AGBL4: variants seen among roughly 807,000 people sequenced by gnomAD.
AGBL4 encodes cytosolic carboxypeptidase 6.
In AGBL4, 58 loss-of-function variants were observed where a neutral mutation model predicts 66.4. The ratio of observed to expected loss-of-function variants is 0.87; its 90% confidence interval spans 0.71 to 1.09. AGBL4 has a LOEUF of 1.09. Ranked by LOEUF, AGBL4 falls within the 50% of genes least tolerant of loss-of-function variation. The pLI is 0.00. For missense variants in AGBL4, 579 were observed against 631.0 expected, an observed-to-expected ratio of 0.92 and a Z score of 0.88; for synonymous variants, 234 against 222.9, an observed-to-expected ratio of 1.05 and a Z score of -0.44.
intron 5 of AGBL4, among the ~76,000 whole-genome samples, chr1:48,886,967 G>A: frequency 6.6e-6 from 1 of 152,166 alleles, no homozygotes; most frequent in East Asian, 1.9e-4. Flanking sequence ...AGTGTGAGAA[G>A]CCAAAAGGGT....
At chr1:48,689,980 C>G (rs1646603178) in intron 6 of AGBL4, among the ~76,000 whole-genome samples, 1 of 152,222 alleles carries the variant, frequency 6.6e-6, no homozygotes, top group African/African-American at 2.4e-5. Context: ...AGCCAACCCT[C>G]CTTCCTGAGT....
chr1:49,120,370 T>G (rs1645627407), intron 4 of AGBL4, among the ~76,000 whole-genome samples: 1 of 152,158 alleles, frequency 6.6e-6, no homozygotes. Context: ...GGCAGGCCTG[T>G]TTGTGACAAA....
chr1:49,165,968 T>C (rs1351893920), intron 4 of AGBL4, among the ~76,000 whole-genome samples: 1 of 151,740 alleles, frequency 6.6e-6, no homozygotes, highest in Admixed American at 6.6e-5. Flanking sequence ...TAATGAAAAA[T>C]AAGGAAGAGG....
chr1:49,551,949 C>T (rs1363489009), intron 3 of AGBL4, among the ~76,000 whole-genome samples: 2 of 152,106 alleles, frequency 1.3e-5, no homozygotes, highest in Admixed American at 1.3e-4. Context: ...AGCTCAGACT[C>T]GCCTTAGGTG....
intron 2 of AGBL4, among the ~76,000 whole-genome samples, chr1:49,785,373 GTTAA>G (rs1366976399): frequency 1.3e-5 from 2 of 151,990 alleles, no homozygotes; most frequent in Admixed American, 6.6e-5. Flanking sequence ...TGATGGATAT[GTTAA>G]TTAGTTTGAC....
At chr1:49,492,842 AT>A (rs1328847187) in intron 3 of AGBL4, among the ~76,000 whole-genome samples, 1 of 152,018 alleles carries the variant, frequency 6.6e-6, no homozygotes, top group Admixed American at 6.6e-5. Flanking sequence ...GTCTGTTCTC[AT>A]GCTGCTAATA....
At chr1:49,879,344 A>T (rs1647137918) in intron 1 of AGBL4, among the ~76,000 whole-genome samples, 2 of 150,690 alleles carry the variant, frequency 1.3e-5, no homozygotes, top group Admixed American at 6.6e-5. Flanking sequence ...GAGCTCTTTT[A>T]GGGCAGGCCT....
intron 6 of AGBL4, among the ~76,000 whole-genome samples, chr1:48,707,026 G>T (rs955665970): frequency 6.6e-6 from 1 of 152,350 alleles, no homozygotes; most frequent in Non-Finnish European, 1.5e-5. Context: ...GGGAGTGGTG[G>T]CCCATGCCTG....
At chr1:49,164,272 A>G (rs928900901) in intron 4 of AGBL4, among the ~76,000 whole-genome samples, 1 of 152,136 alleles carries the variant, frequency 6.6e-6, no homozygotes, top group Non-Finnish European at 1.5e-5. Flanking sequence ...ACACACTTAT[A>G]GGAAAACTAC....
chr1:49,366,566 T>C (rs1013174750), intron 3 of AGBL4, among the ~76,000 whole-genome samples: 3 of 152,200 alleles, frequency 2.0e-5, no homozygotes, highest in African/African-American at 7.2e-5. Context: ...ATTTATTACA[T>C]TTACTTAGAA....
At chr1:49,023,769 C>T (rs949683691) in intron 5 of AGBL4, among the ~76,000 whole-genome samples, 1 of 152,132 alleles carries the variant, frequency 6.6e-6, no homozygotes. Context: ...TTATAAATGG[C>T]AGAATCCCAA....
At chr1:49,778,565 A>ACGTGG (rs1453693948) in intron 2 of AGBL4, among the ~76,000 whole-genome samples, 2 of 152,200 alleles carry the variant, frequency 1.3e-5, no homozygotes, top group Non-Finnish European at 2.9e-5. Context: ...TAGAAGAAAT[A>ACGTGG]CGTGGAATGC....
At chr1:48,742,968 GA>G (rs1650152081) in intron 6 of AGBL4, among the ~76,000 whole-genome samples, 2 of 152,326 alleles carry the variant, frequency 1.3e-5, no homozygotes, top group East Asian at 3.9e-4. Context: ...AAAACTGGAA[GA>G]CAAGAGTGGA....
chr1:49,660,757 A>T (rs1646253314), intron 3 of AGBL4, among the ~76,000 whole-genome samples: 2 of 152,206 alleles, frequency 1.3e-5, no homozygotes, highest in South Asian at 4.1e-4. Flanking sequence ...TACACCATGG[A>T]ATACTATGGA....
At chr1:48,623,886 G>T (rs930379133) in intron 9 of AGBL4, among the ~76,000 whole-genome samples, 10 of 152,182 alleles carry the variant, frequency 6.6e-5, no homozygotes, top group African/African-American at 2.4e-4. Context: ...GGGTAAACTG[G>T]AGTAGTTTGG....
chr1:49,232,568 G>A (rs755197902), intron 4 of AGBL4, among the ~76,000 whole-genome samples: 37 of 151,838 alleles, frequency 2.4e-4, no homozygotes, highest in South Asian at 8.3e-4. Flanking sequence ...GCATGGTGGC[G>A]GATGCCTGTA....
intron 3 of AGBL4, among the ~76,000 whole-genome samples, chr1:49,650,683 G>C (rs554363467): frequency 6.6e-6 from 1 of 152,316 alleles, no homozygotes; most frequent in African/African-American, 2.4e-5. Flanking sequence ...GTGGGACCTT[G>C]GAAAATTGCA....
intron 2 of AGBL4, among the ~76,000 whole-genome samples, chr1:49,809,166 T>A (rs1645041020): frequency 6.6e-6 from 1 of 152,140 alleles, no homozygotes; most frequent in East Asian, 1.9e-4. Flanking sequence ...CATTTTTTTT[T>A]ATTATTTTAC....
chr1:49,530,282 A>AAAAAAAAAAAAAAAAAAAAAAAT (rs1558025489), intron 3 of AGBL4, among the ~76,000 whole-genome samples: 8 of 145,414 alleles, frequency 5.5e-5, no homozygotes, highest in African/African-American at 1.3e-4. Context: ...ACAAAAAAAA[A>AAAAAAAAAAAAAAAAAAAAAAAT]CTCTATGAGT....
Sources: gnomAD v4.1 joint callset for allele counts (sites outside exome capture counted in the v4.1 genomes callset) on GRCh38, gnomAD v4.1.1 for gene constraint, MANE v1.5 for transcripts, NCBI Gene and HGNC (gene_info 2026-07-23, HGNC 2026-07-21) for gene names.